MLLT3: variants seen among roughly 807,000 people sequenced by gnomAD.
MLLT3 encodes protein AF-9.
MLLT3 carries 4 observed loss-of-function variants against 53.2 expected under a neutral mutation model. That is an observed-to-expected ratio of 0.08 (90% CI 0.04 to 0.17). MLLT3 has a LOEUF of 0.17. Ranked by LOEUF, MLLT3 falls within the 10% of genes least tolerant of loss-of-function variation. The pLI, the probability that MLLT3 is intolerant of heterozygous loss-of-function variation, is 1.00. For synonymous variants in MLLT3, 283 were observed against 230.6 expected (o/e 1.23, Z -2.06); for missense variants, 569 against 684.0 (o/e 0.83, Z 1.87).
intron 2 of MLLT3, among the ~76,000 whole-genome samples, chr9:20,588,990 C>G (rs888591265): frequency 4.6e-5 from 7 of 151,234 alleles, no homozygotes; most frequent in East Asian, 1.9e-4. Flanking sequence ...GTTGGTGGGA[C>G]TGTAAACTAG....
chr9:20,577,871 G>C (rs1819693135), intron 2 of MLLT3, among the ~76,000 whole-genome samples: 1 of 152,228 alleles, frequency 6.6e-6, no homozygotes, highest in African/African-American at 2.4e-5. Flanking sequence ...GATTACAGCA[G>C]ACATAGCAGT....
chr9:20,601,137 A>T (rs932165528), intron 2 of MLLT3, among the ~76,000 whole-genome samples: 1 of 41,000 alleles, frequency 2.4e-5, no homozygotes, highest in Admixed American at 1.7e-4. Context: ...TCAGAATGAC[A>T]TTCTGGAAAC....
At chr9:20,530,677 T>C (rs761629341) in intron 2 of MLLT3, among the ~76,000 whole-genome samples, 1 of 152,244 alleles carries the variant, frequency 6.6e-6, no homozygotes, top group Non-Finnish European at 1.5e-5. Context: ...ATAAATTGCT[T>C]GCACATTTTG....
chr9:20,373,927 T>G (rs1340262983), intron 5 of MLLT3, among the ~76,000 whole-genome samples: 1 of 147,304 alleles, frequency 6.8e-6, no homozygotes, highest in Non-Finnish European at 1.5e-5. Flanking sequence ...CTCACAGTTT[T>G]GGTCCTTCTT....
chr9:20,571,132 T>C (rs1819522518), intron 2 of MLLT3, among the ~76,000 whole-genome samples: 1 of 152,238 alleles, frequency 6.6e-6, no homozygotes, highest in African/African-American at 2.4e-5. Flanking sequence ...CATATACATA[T>C]CATTCCTTGG....
intron 2 of MLLT3, among the ~76,000 whole-genome samples, chr9:20,502,762 T>C (rs1825279578): frequency 6.6e-6 from 1 of 152,220 alleles, no homozygotes. Flanking sequence ...ACCAATCCCC[T>C]GCAGATACTG....
chr9:20,348,741 T>C (rs1328397085), intron 10 of MLLT3, among the ~76,000 whole-genome samples: 2 of 152,206 alleles, frequency 1.3e-5, no homozygotes, highest in Non-Finnish European at 2.9e-5. Context: ...CAACAAGATC[T>C]TATTAACACT....
intron 2 of MLLT3, among the ~76,000 whole-genome samples, chr9:20,474,858 T>C (rs1563776246): frequency 6.6e-6 from 1 of 152,110 alleles, no homozygotes; most frequent in African/African-American, 2.4e-5. Flanking sequence ...CATCAAGACT[T>C]GAATATTTTT....
rs1480051860 is a variant in MLLT3 at position 20,346,655 on chromosome 9, A to G, written c.1576-81T>C. ...AAGAGAGAGTAATGGAGGGGCGATC[A>G]AATATGGAATCAAGTGATAAATATT... On this transcript the variant is annotated intron_variant, in intron 10 of 10. Transcript: ENST00000380338. 2.2e-6 allele frequency: 3 copies of G among 1,342,728 alleles called. No homozygotes were observed. The East Asian group carries it at 7.1e-5, about 32-fold the overall frequency. The allele number at this position is 1,342,728 out of a possible 1,614,324, so 83.2% of individuals were successfully genotyped here. A position where few individuals can be genotyped will look rare whatever the true frequency, so the allele number is the denominator to read the frequency against.
chr9:20,473,988 C>T (rs1824459416), intron 2 of MLLT3, among the ~76,000 whole-genome samples: 1 of 152,088 alleles, frequency 6.6e-6, no homozygotes, highest in African/African-American at 2.4e-5. Flanking sequence ...CAAATGCCTA[C>T]AGACTTGGAA....
intron 2 of MLLT3, among the ~76,000 whole-genome samples, chr9:20,584,178 C>T (rs546759349): frequency 3.9e-5 from 6 of 152,340 alleles, no homozygotes; most frequent in South Asian, 4.1e-4. Context: ...TCTGCTAAAA[C>T]GTAACAAGAG....
At chr9:20,539,078 G>T (rs898603230) in intron 2 of MLLT3, among the ~76,000 whole-genome samples, 1 of 152,216 alleles carries the variant, frequency 6.6e-6, no homozygotes, top group Non-Finnish European at 1.5e-5. Context: ...ACTGATCAGG[G>T]TGGTGGTTGC....
In MLLT3 at chr9:20,558,969, C is replaced by T. The variant is rs11999360; in HGVS notation, c.193+61685G>A. ...TGGTGAAGGGTCTGAATCACCCTGA[C>T]GGCTGCTTGTCTTTTTCACTAAAAG... On this transcript the variant is annotated intron_variant, in intron 2 of 10. Transcript: ENST00000380338. Among the ~76,000 whole-genome samples, 621 of 152,250 alleles carry T rather than the reference C, an allele frequency of 4.1e-3. 3 individuals carry two copies. Among genetic ancestry groups the T allele is most frequent in the African/African-American group, 0.014 (570 of 41,538 alleles).
chr9:20,556,327 T>C (rs1397711420), intron 2 of MLLT3, among the ~76,000 whole-genome samples: 4 of 152,172 alleles, frequency 2.6e-5, no homozygotes, highest in Non-Finnish European at 4.4e-5. Context: ...TTTTATTACA[T>C]AAGTATGACA....
At chr9:20,571,639 G>A (rs1213095873) in intron 2 of MLLT3, among the ~76,000 whole-genome samples, 1 of 152,048 alleles carries the variant, frequency 6.6e-6, no homozygotes, top group Non-Finnish European at 1.5e-5. Context: ...CCCATCCCGG[G>A]TCCATGTGTT....
In MLLT3 at chr9:20,448,369, C is replaced by G; in HGVS notation, c.277-103G>C. 1.0e-6 allele frequency: 1 copy of G among 997,190 alleles called. No homozygotes were observed. The highest frequency in any genetic ancestry group is 2.3e-5 in the Admixed American group (1 of 42,658). 61.8% of individuals were successfully genotyped at this position (997,190 alleles called of 1,614,324 possible). A position where few individuals can be genotyped will look rare whatever the true frequency, so the allele number is the denominator to read the frequency against. ...CATAAGAAATAGAAAAGAACTAAGACATCTAACAGCTAAACTGTCAAAGTA... is the reference window on the plus strand; with the variant it reads ...CATAAGAAATAGAAAAGAACTAAGAGATCTAACAGCTAAACTGTCAAAGTA... On this transcript the variant is annotated intron_variant, in intron 3 of 10. Transcript: ENST00000380338. This position sits in a 1 kb window ranked among gnomAD's most constrained non-coding sequence, Gnocchi z 4.0.
At chr9:20,477,379 G>T (rs745354347) in intron 2 of MLLT3, among the ~76,000 whole-genome samples, 3 of 152,054 alleles carry the variant, frequency 2.0e-5, no homozygotes, top group Non-Finnish European at 4.4e-5. Context: ...AACAACTGGA[G>T]TCTCTGTTTT....
At chr9:20,439,779 A>G (rs1031814694) in intron 4 of MLLT3, among the ~76,000 whole-genome samples, 1 of 152,212 alleles carries the variant, frequency 6.6e-6, no homozygotes, top group Admixed American at 6.5e-5. Flanking sequence ...GATCTCATCT[A>G]CATAAAAATA....
chr9:20,513,583 G>C (rs1364936496), intron 2 of MLLT3, among the ~76,000 whole-genome samples: 1 of 152,178 alleles, frequency 6.6e-6, no homozygotes, highest in African/African-American at 2.4e-5. Context: ...AGAGCAAGCA[G>C]GCAAAAGTTC....
Sources: gnomAD v4.1 joint callset for allele counts (sites outside exome capture counted in the v4.1 genomes callset) on GRCh38, gnomAD v4.1.1 for gene constraint, Gnocchi (gnomAD v3.1) non-coding constraint, MANE v1.5 for transcripts, NCBI Gene and HGNC (gene_info 2026-07-23, HGNC 2026-07-21) for gene names.